Variants in PRICKLE2 observed in about 807,000 individuals in gnomAD.
PRICKLE2 encodes the protein prickle planar cell polarity protein 2, also known as prickle-like protein 2.
Under a neutral mutation model 81.4 loss-of-function variants are expected in PRICKLE2, and 21 were observed. That is an observed-to-expected ratio of 0.26 (90% CI 0.18 to 0.37). PRICKLE2 has a LOEUF of 0.37. Ranked by LOEUF, PRICKLE2 falls within the 10% of genes least tolerant of loss-of-function variation. The pLI, the probability that PRICKLE2 is intolerant of heterozygous loss-of-function variation, is 1.00. For synonymous variants in PRICKLE2, 456 were observed against 421.5 expected (o/e 1.08, Z -1.00); for missense variants, 940 against 1,109.0 (o/e 0.85, Z 2.16).
At chr3:64,118,573 T>A (rs1323754760) in intron 7 of PRICKLE2, among the ~76,000 whole-genome samples, 3 of 152,154 alleles carry the variant, frequency 2.0e-5, no homozygotes, top group Non-Finnish European at 4.4e-5. Flanking sequence ...AAGGCATATA[T>A]GTGGCCAGTA....
rs973018638 is a variant in PRICKLE2, at chr3:64,216,852, C to T, written c.-41+8058G>A. Among the ~76,000 whole-genome samples, 5 of 152,272 alleles carry T rather than the reference C, an allele frequency of 3.3e-5. No individual in the cohort carries two copies. The East Asian group carries it at 7.7e-4, about 23-fold the overall frequency. The stretch of plus-strand genomic sequence containing the variant: ...CTCCTTCCTAATGAGGCAGGCACTT[C>T]GGAGTGGCCCAACCTCCACAGGATG... On this transcript the variant is annotated intron_variant, in intron 1 of 7. Coordinates refer to ENST00000638394, the MANE Select transcript of PRICKLE2 (RefSeq NM_198859.4).
At chr3:64,194,746 T>C (rs1559569705) in intron 2 of PRICKLE2, among the ~76,000 whole-genome samples, 1 of 152,170 alleles carries the variant, frequency 6.6e-6, no homozygotes, top group Non-Finnish European at 1.5e-5. Context: ...GAGTTTGAAA[T>C]GAAATTGAAG....
chr3:64,146,799 T>C, intron 7 of PRICKLE2, 31 bp downstream of exon 7: 1 of 1,613,104 alleles, frequency 6.2e-7, no homozygotes. Context: ...CTACCCCCTT[T>C]CTATCTGTTT....
At chr3:64,245,719 A>G (rs1332390609) in intron 2 of PRICKLE2, among the ~76,000 whole-genome samples, 2 of 152,156 alleles carry the variant, frequency 1.3e-5, no homozygotes, top group African/African-American at 2.4e-5. Context: ...TTTAAATCCA[A>G]CGGAATGGGC....
rs1047934663 is a variant in PRICKLE2, at chr3:64,157,221, T to C, written c.541A>G (p.Ile181Val). ...TCAGCATGGTGCCTGCCACAGTATATCTTCCCATCTTGGTAAAAGTAGATC... is the reference window on the plus strand; with the variant it reads ...TCAGCATGGTGCCTGCCACAGTATACCTTCCCATCTTGGTAAAAGTAGATC... ...DLIYFYQDGK[I>V]YCGRHHAECL... Residue 181 changes from isoleucine (I) to valine (V), a missense_variant, in exon 5 of 8, where the codon ATA becomes GTA. Coordinates refer to ENST00000638394, the MANE Select transcript of PRICKLE2 (RefSeq NM_198859.4). 2 of 1,614,178 alleles carry C rather than the reference T, an allele frequency of 1.2e-6. No individual in the cohort carries two copies. Among genetic ancestry groups the C allele is most frequent in the Admixed American group, 3.3e-5 (2 of 60,026 alleles).
At chr3:64,185,358 G>C (rs1036212965) in intron 2 of PRICKLE2, among the ~76,000 whole-genome samples, 10 of 152,124 alleles carry the variant, frequency 6.6e-5, no homozygotes, top group African/African-American at 2.4e-4. Flanking sequence ...TCCCAACTAA[G>C]AATTAGAAAA....
intron 2 of PRICKLE2, among the ~76,000 whole-genome samples, chr3:64,171,894 A>G (rs2077937924): frequency 6.6e-6 from 1 of 152,184 alleles, no homozygotes; most frequent in Non-Finnish European, 1.5e-5. Context: ...CAAAAGCGAC[A>G]CCCATTTGTA....
chr3:64,251,607 G>A (rs909312421), intron 2 of PRICKLE2, among the ~76,000 whole-genome samples: 1 of 152,226 alleles, frequency 6.6e-6, no homozygotes, highest in Non-Finnish European at 1.5e-5. Context: ...TCAAGAAGCA[G>A]AGAGTTCATT....
rs188012598 is a variant in PRICKLE2, at chr3:64,174,680, T to C, written c.145-11551A>G. 549 of 205,042 alleles carry C rather than the reference T, an allele frequency of 2.7e-3. 3 individuals are homozygous for C. The highest frequency in any genetic ancestry group is 0.012 in the African/African-American group (507 of 42,660). The allele number at this position is 205,042 out of a possible 1,614,324, so 12.7% of individuals were successfully genotyped here. A position where few individuals can be genotyped will look rare whatever the true frequency, so the allele number is the denominator to read the frequency against. On this transcript the variant is annotated intron_variant, in intron 2 of 7. Transcript: ENST00000638394. ...GGAAATGTTTGGTGCTTTTCTCCTATCCTTTGGATTTCACCTTTGTGTGTC... is the reference window on the plus strand; with the variant it reads ...GGAAATGTTTGGTGCTTTTCTCCTACCCTTTGGATTTCACCTTTGTGTGTC...
chr3:64,239,247 C>T (rs930734765), intron 2 of PRICKLE2, among the ~76,000 whole-genome samples: 3 of 152,086 alleles, frequency 2.0e-5, no homozygotes, highest in African/African-American at 4.8e-5. Flanking sequence ...TGCTGGGGGG[C>T]GGGGGGCTGG....
At chr3:64,133,175 G>A (rs2077222345) in intron 7 of PRICKLE2, among the ~76,000 whole-genome samples, 2 of 152,294 alleles carry the variant, frequency 1.3e-5, no homozygotes, top group African/African-American at 2.4e-5. Context: ...TCAGAAGGCA[G>A]AAAGTGACAG....
chr3:64,196,326 A>G (rs950287913), intron 2 of PRICKLE2, among the ~76,000 whole-genome samples: 7 of 152,214 alleles, frequency 4.6e-5, no homozygotes, highest in African/African-American at 1.7e-4. Context: ...CCTTCAGGTA[A>G]ACAAAAGAAA....
intron 1 of PRICKLE2, among the ~76,000 whole-genome samples, chr3:64,213,445 G>A (rs555852058): frequency 2.7e-4 from 41 of 152,256 alleles, no homozygotes; most frequent in Middle Eastern, 3.4e-3. Context: ...ATGACCTGTC[G>A]GATGAATCAA....
At chr3:64,142,101 T>C (rs1475975264) in intron 7 of PRICKLE2, 1 of 199,410 alleles carries the variant, frequency 5.0e-6, no homozygotes, top group Non-Finnish European at 9.0e-6. Context: ...GTGTGCAGAG[T>C]AGGATGTGAA....
intron 1 of PRICKLE2, among the ~76,000 whole-genome samples, chr3:64,205,210 C>T (rs1309459984): frequency 3.9e-5 from 6 of 151,914 alleles, no homozygotes; most frequent in African/African-American, 1.5e-4. Flanking sequence ...AGGAATAAGG[C>T]ATGATTTAGA....
intron 4 of PRICKLE2, among the ~76,000 whole-genome samples, chr3:64,157,643 G>T (rs565943534): frequency 6.6e-6 from 1 of 152,180 alleles, no homozygotes; most frequent in Non-Finnish European, 1.5e-5. Context: ...GCACAATAAC[G>T]TACAGGGGCT....
intron 7 of PRICKLE2, among the ~76,000 whole-genome samples, chr3:64,131,297 G>C (rs531462785): frequency 3.3e-5 from 5 of 152,322 alleles, no homozygotes; most frequent in Admixed American, 3.3e-4. Flanking sequence ...TTTTGAGGTA[G>C]GATGGAGGGA....
chr3:64,104,900 GCAATAA>G (rs2106944096), intron 7 of PRICKLE2, among the ~76,000 whole-genome samples: 1 of 152,312 alleles, frequency 6.6e-6, no homozygotes, highest in South Asian at 2.1e-4. Flanking sequence ...CCAAAGATGA[GCAATAA>G]CTGTGTACTT....
chr3:64,179,537 T>C (rs918703789), intron 2 of PRICKLE2, among the ~76,000 whole-genome samples: 2 of 152,174 alleles, frequency 1.3e-5, no homozygotes, highest in Non-Finnish European at 2.9e-5. Context: ...GTTTATTCAG[T>C]CTGTGAGCTG....
Sources: allele counts gnomAD v4.1 joint callset (sites outside exome capture counted in the v4.1 genomes callset), GRCh38; gene constraint gnomAD v4.1.1; transcripts MANE v1.5; gene names NCBI Gene and HGNC (gene_info 2026-07-23, HGNC 2026-07-21).